UBE2E2: variants seen among roughly 807,000 people sequenced by gnomAD.
The protein encoded by UBE2E2 is ubiquitin-conjugating enzyme E2 E2.
In UBE2E2, 6 loss-of-function variants were observed where a neutral mutation model predicts 24.7. The observed-to-expected ratio is 0.24, with a 90% CI of 0.13 to 0.48. The LOEUF (loss-of-function observed/expected upper bound fraction) is 0.48, where lower values mean the gene tolerates loss of function less well. Among genes scored for constraint, UBE2E2 ranks in the 20% least tolerant of loss-of-function variants. The pLI, the probability that UBE2E2 is intolerant of heterozygous loss-of-function variation, is 0.99. For missense variants in UBE2E2, 169 were observed against 245.0 expected (o/e 0.69, Z 2.07); for synonymous variants, 104 against 83.6 (o/e 1.24, Z -1.33).
intron 4 of UBE2E2, among the ~76,000 whole-genome samples, chr3:23,529,005 G>A (rs1268810081): frequency 1.3e-5 from 2 of 152,170 alleles, no homozygotes; most frequent in Non-Finnish European, 2.9e-5. Flanking sequence ...CAGCTTGGAT[G>A]GATCTTAAGG....
chr3:23,291,984 G>A (rs1160281677), intron 3 of UBE2E2, among the ~76,000 whole-genome samples: 2 of 147,752 alleles, frequency 1.4e-5, no homozygotes, highest in Admixed American at 7.0e-5. Context: ...TCAGCCTCCC[G>A]AGTAGCTGGG....
At chr3:23,471,736 A>G (rs1035330450) in intron 3 of UBE2E2, among the ~76,000 whole-genome samples, 2 of 152,242 alleles carry the variant, frequency 1.3e-5, no homozygotes, top group African/African-American at 4.8e-5. Flanking sequence ...GTAGAATCCA[A>G]ATTAAGCAGT....
rs200210230 is a variant in UBE2E2, at chr3:23,368,134, AT to A, written c.228-131468del. On this transcript the variant is annotated intron_variant, in intron 3 of 5. Transcript: ENST00000396703. The stretch of plus-strand genomic sequence containing the variant: ...TTTTTTCAAACTAGTATACATCAAT[AT>A]TTTTTAACACAACATTTCATTTACT... Among the ~76,000 whole-genome samples, 100 of 152,208 alleles carry A rather than the reference AT, an allele frequency of 6.6e-4. 5 individuals are homozygous for A. In the East Asian group the frequency reaches 0.016, roughly 24 times the overall value.
In UBE2E2 at chr3:23,286,693, G is replaced by A. The variant is rs190682458; in HGVS notation, c.227+69381G>A. Among the ~76,000 whole-genome samples, 12 of 152,128 alleles carry A rather than the reference G, an allele frequency of 7.9e-5. No individual in the cohort carries two copies. In the East Asian group the frequency reaches 1.2e-3, roughly 15 times the overall value. ...TTTTTCTGTTTCTGTGGAGAATGTC[G>A]TTGGTATTTTGATAGAGAATGCATT... On this transcript the variant is annotated intron_variant, in intron 3 of 5. Coordinates refer to ENST00000396703, the MANE Select transcript of UBE2E2 (RefSeq NM_152653.4).
At chr3:23,212,505 G>T (rs777223393) in intron 2 of UBE2E2, among the ~76,000 whole-genome samples, 1 of 152,136 alleles carries the variant, frequency 6.6e-6, no homozygotes, top group Non-Finnish European at 1.5e-5. Flanking sequence ...ATCTGTAAAT[G>T]TGAATTTTAT....
chr3:23,534,128 CTTTTTTT>C, intron 5 of UBE2E2: 21 of 437,780 alleles, frequency 4.8e-5, no homozygotes, highest in Non-Finnish European at 5.2e-5. Context: ...TGCAAGAAGG[CTTTTTTT>C]TTTTTTTTTT....
intron 3 of UBE2E2, among the ~76,000 whole-genome samples, chr3:23,229,774 T>C (rs1696925148): frequency 6.6e-6 from 1 of 152,202 alleles, no homozygotes; most frequent in African/African-American, 2.4e-5. Flanking sequence ...TCCAGTACAG[T>C]GGCCACTAGC....
chr3:23,538,132 A>G (rs1695308756), intron 5 of UBE2E2, among the ~76,000 whole-genome samples: 1 of 152,200 alleles, frequency 6.6e-6, no homozygotes, highest in South Asian at 2.1e-4. Flanking sequence ...TTTTTTTCCT[A>G]GAACAATAAC....
rs562251846 is a variant in UBE2E2 at position 23,242,897 on chromosome 3, C to T, written c.227+25585C>T. Among the ~76,000 whole-genome samples, 584 of 151,932 alleles carry T rather than the reference C, an allele frequency of 3.8e-3. 3 individuals are homozygous for T. The highest frequency in any genetic ancestry group is 0.013 in the African/African-American group (529 of 41,468). ...GGTCAGGAGTTCGAGACCTGCCTGG[C>T]CAACATGGTGAAACCCTGTCTCTAC... On this transcript the variant is annotated intron_variant, in intron 3 of 5. Coordinates refer to ENST00000396703, the MANE Select transcript of UBE2E2 (RefSeq NM_152653.4).
intron 3 of UBE2E2, among the ~76,000 whole-genome samples, chr3:23,470,325 C>T (rs978135787): frequency 4.6e-5 from 7 of 152,276 alleles, no homozygotes; most frequent in Admixed American, 3.3e-4. Context: ...ATCCTCCCCC[C>T]AATCCGGGGT....
chr3:23,457,756 T>C (rs951201968), intron 3 of UBE2E2, among the ~76,000 whole-genome samples: 1 of 152,220 alleles, frequency 6.6e-6, no homozygotes, highest in African/African-American at 2.4e-5. Context: ...ATTCCACTTT[T>C]ATGTTAGGAA....
At chr3:23,205,835 A>G (rs967394121) in intron 1 of UBE2E2, among the ~76,000 whole-genome samples, 4 of 152,210 alleles carry the variant, frequency 2.6e-5, no homozygotes, top group Non-Finnish European at 5.9e-5. Context: ...TCGGCAGTAG[A>G]AATTTGAGTT....
intron 3 of UBE2E2, among the ~76,000 whole-genome samples, chr3:23,460,634 G>A (rs574548601): frequency 5.2e-4 from 79 of 152,218 alleles, no homozygotes; most frequent in Admixed American, 1.2e-3. Flanking sequence ...AAAGCTCTTT[G>A]GTAATTACAG....
At chr3:23,546,820 G>T (rs1257183618) in intron 5 of UBE2E2, among the ~76,000 whole-genome samples, 3 of 151,986 alleles carry the variant, frequency 2.0e-5, no homozygotes, top group Non-Finnish European at 4.4e-5. Context: ...TTTTAATGAA[G>T]ATAATGAAAA....
chr3:23,353,607 G>A (rs1247170523), intron 3 of UBE2E2, among the ~76,000 whole-genome samples: 1 of 152,072 alleles, frequency 6.6e-6, no homozygotes, highest in Non-Finnish European at 1.5e-5. Context: ...CAAACAGAGA[G>A]CCAAATCATG....
At chr3:23,490,618 G>A (rs1699475395) in intron 3 of UBE2E2, among the ~76,000 whole-genome samples, 1 of 152,158 alleles carries the variant, frequency 6.6e-6, no homozygotes. Context: ...AAGTCAAGGA[G>A]TGTCATGAAC....
intron 2 of UBE2E2, among the ~76,000 whole-genome samples, chr3:23,212,728 A>G (rs1248322995): frequency 6.6e-6 from 1 of 152,120 alleles, no homozygotes; most frequent in African/African-American, 2.4e-5. Context: ...ACTTTTGTAG[A>G]TAATCTTTTG....
chr3:23,554,739 T>C (rs1036940806), intron 5 of UBE2E2, among the ~76,000 whole-genome samples: 16 of 151,878 alleles, frequency 1.1e-4, no homozygotes, highest in Non-Finnish European at 1.8e-4. Context: ...TACATCAAAC[T>C]GCAAAACTTC....
chr3:23,486,003 G>A (rs764970315), intron 3 of UBE2E2, among the ~76,000 whole-genome samples: 7 of 152,170 alleles, frequency 4.6e-5, no homozygotes, highest in African/African-American at 9.7e-5. Flanking sequence ...AGCTGGAAAC[G>A]TCTATGACCA....
Sources: gnomAD v4.1 joint callset for allele counts (sites outside exome capture counted in the v4.1 genomes callset) on GRCh38, gnomAD v4.1.1 for gene constraint, MANE v1.5 for transcripts, NCBI Gene and HGNC (gene_info 2026-07-23, HGNC 2026-07-21) for gene names.